Variants in ELP4 observed in about 807,000 individuals in gnomAD.
ELP4 encodes elongator acetyltransferase complex subunit 4.
ELP4 carries 51 observed loss-of-function variants against 48.9 expected under a neutral mutation model. The ratio of observed to expected loss-of-function variants is 1.04; its 90% CI spans 0.83 to 1.32. The LOEUF (loss-of-function observed/expected upper bound fraction) is 1.32, where lower values mean the gene tolerates loss of function less well. ELP4 is among the 40% of genes most tolerant of loss of function. The pLI, the probability that ELP4 is intolerant of heterozygous loss-of-function variation, is 0.00. For synonymous variants in ELP4, 210 were observed against 189.2 expected (o/e 1.11, Z -0.90); for missense variants, 519 against 514.6 (o/e 1.01, Z -0.08).
At chr11:31,639,362 T>A (rs1207256351) in intron 7 of ELP4, among the ~76,000 whole-genome samples, 13 of 151,940 alleles carry the variant, frequency 8.6e-5, no homozygotes. Context: ...GTCAGTATAG[T>A]AAGTTGTAAA....
At chr11:31,701,791 A>G (rs1326971233) in intron 9 of ELP4, among the ~76,000 whole-genome samples, 1 of 151,242 alleles carries the variant, frequency 6.6e-6, no homozygotes, top group Non-Finnish European at 1.5e-5. Flanking sequence ...TTTACCTAAT[A>G]TAATAAGAGG....
At chr11:31,639,408 G>A (rs1423214443) in intron 7 of ELP4, among the ~76,000 whole-genome samples, 5 of 151,842 alleles carry the variant, frequency 3.3e-5, no homozygotes, top group Admixed American at 6.6e-5. Context: ...CAAATAGTCT[G>A]TGTTTCAGTC....
intron 7 of ELP4, among the ~76,000 whole-genome samples, chr11:31,635,668 G>A (rs901917453): frequency 2.6e-5 from 4 of 151,994 alleles, no homozygotes; most frequent in African/African-American, 9.7e-5. Flanking sequence ...AAAGTATCCA[G>A]TGAAGAGGAT....
intron 3 of ELP4, among the ~76,000 whole-genome samples, chr11:31,547,284 T>TA: frequency 6.6e-6 from 1 of 151,624 alleles, no homozygotes; most frequent in South Asian, 2.1e-4. Context: ...ATAGACGCAA[T>TA]AAAAAATGAT....
rs747558919 is a variant in ELP4 at position 31,529,733 on chromosome 11, CACAGCTAGAAGAATAATG to C, written c.259+9647_259+9664del. Among the ~76,000 whole-genome samples the C allele has an allele frequency of 1.0e-3, 158 of 152,250 alleles. 1 individual carries two copies. Among genetic ancestry groups the C allele is most frequent in the Non-Finnish European group, 1.8e-3 (124 of 68,022 alleles). On this transcript the variant is annotated intron_variant, in intron 2 of 9. Transcript: ENST00000640961. ...TGCTAGAATAGATTGTGTAAACAAA[CACAGCTAGAAGAATAATG>C]ACAGTAATAGTATTTCCAAAGAGAG...
intron 7 of ELP4, among the ~76,000 whole-genome samples, chr11:31,634,734 T>C (rs1944936890): frequency 6.6e-6 from 1 of 152,036 alleles, no homozygotes; most frequent in African/African-American, 2.4e-5. Flanking sequence ...AGCCCCTGTA[T>C]AACTGGAAGA....
chr11:31,745,911 A>G (rs1947578230), intron 9 of ELP4, among the ~76,000 whole-genome samples: 1 of 152,164 alleles, frequency 6.6e-6, no homozygotes, highest in South Asian at 2.1e-4. Context: ...TAAACTAAAG[A>G]ACTTCTGCAC....
At chr11:31,597,012 A>G (rs1328005807) in intron 4 of ELP4, among the ~76,000 whole-genome samples, 1 of 152,158 alleles carries the variant, frequency 6.6e-6, no homozygotes, top group Non-Finnish European at 1.5e-5. Flanking sequence ...ATTAGCTAGG[A>G]TGGGGGAAGC....
intron 3 of ELP4, among the ~76,000 whole-genome samples, chr11:31,577,205 G>A (rs1424343864): frequency 6.6e-6 from 1 of 152,082 alleles, no homozygotes; most frequent in Non-Finnish European, 1.5e-5. Flanking sequence ...TAAATTCCTG[G>A]ACACATACAC....
chr11:31,680,144 T>C (rs1946026371), intron 9 of ELP4, among the ~76,000 whole-genome samples: 1 of 152,198 alleles, frequency 6.6e-6, no homozygotes, highest in East Asian at 1.9e-4. Flanking sequence ...GATCTAAGAT[T>C]TGTTGATTTT....
intron 9 of ELP4, among the ~76,000 whole-genome samples, chr11:31,738,392 A>T (rs1373818078): frequency 6.6e-6 from 1 of 151,904 alleles, no homozygotes; most frequent in Admixed American, 6.6e-5. Context: ...AGCCTGGGGA[A>T]CAGAGTGAGA....
At chr11:31,778,347 C>T (rs1351777772) in intron 9 of ELP4, among the ~76,000 whole-genome samples, 3 of 152,036 alleles carry the variant, frequency 2.0e-5, no homozygotes, top group South Asian at 2.1e-4. Context: ...TGTAAGGAGC[C>T]GCAGTAGAGA....
chr11:31,603,942 T>A lies in ELP4; in HGVS notation c.653+35T>A, dbSNP rs767585604. Reference sequence around the variant, plus strand: ...TGACCCATTTAATAACAAAATCTGATTTCAAATATTAGTAGAATGCACTTT... The same window carrying A: ...TGACCCATTTAATAACAAAATCTGAATTCAAATATTAGTAGAATGCACTTT... On this transcript the variant is annotated intron_variant, in intron 5 of 9. Coordinates refer to ENST00000640961, the MANE Select transcript of ELP4 (RefSeq NM_019040.5). The A allele has an allele frequency of 5.1e-6, 8 of 1,580,506 alleles. No individual in the cohort carries two copies. In the South Asian group the frequency reaches 9.2e-5, roughly 18 times the overall value.
intron 9 of ELP4, among the ~76,000 whole-genome samples, chr11:31,732,593 A>T (rs963899397): frequency 7.9e-5 from 12 of 152,314 alleles, no homozygotes; most frequent in Middle Eastern, 6.8e-3. Flanking sequence ...AATGGATTAA[A>T]CTGCCTAAGC....
At chr11:31,714,824 C>T (rs1365944543) in intron 9 of ELP4, 1 of 398,028 alleles carries the variant, frequency 2.5e-6, no homozygotes, top group African/African-American at 2.1e-5. Context: ...TTTTCTGCCT[C>T]TCTCCTTCAC....
chr11:31,661,360 A>G (rs191846447), intron 9 of ELP4, among the ~76,000 whole-genome samples: 89 of 152,182 alleles, frequency 5.8e-4, no homozygotes, highest in African/African-American at 2.1e-3. Flanking sequence ...CAAGAAGAGC[A>G]CTATTTCAAG....
Position 31,786,543 on chromosome 11 carries a change from T to C in ELP4, c.*3019T>C, listed in dbSNP as rs1948642433. 4.4e-6 allele frequency: 1 copy of C among 225,194 alleles called. No individual in the cohort carries two copies. The allele number at this position is 225,194 out of a possible 1,614,324, so 13.9% of individuals were successfully genotyped here. ...CAAACATACAGAGAAGAAAAGGCTT[T>C]TTAAAATCTTACTAGTATGAGAGGC... is the stretch of plus-strand genomic sequence containing the variant. On this transcript the variant is annotated 3_prime_UTR_variant, in exon 10 of 10. Coordinates refer to ENST00000640961, the MANE Select transcript of ELP4 (RefSeq NM_019040.5).
chr11:31,730,783 A>G (rs1219777444), intron 9 of ELP4, among the ~76,000 whole-genome samples: 3 of 152,218 alleles, frequency 2.0e-5, no homozygotes, highest in Non-Finnish European at 4.4e-5. Context: ...TCAACATTCT[A>G]GCATTTTAGG....
At chr11:31,711,652 G>A (rs1273062442) in intron 9 of ELP4, among the ~76,000 whole-genome samples, 1 of 151,950 alleles carries the variant, frequency 6.6e-6, no homozygotes, top group Non-Finnish European at 1.5e-5. Flanking sequence ...TGATGATAAA[G>A]ATAAATATGT....
Sources: allele counts gnomAD v4.1 joint callset (sites outside exome capture counted in the v4.1 genomes callset), GRCh38; gene constraint gnomAD v4.1.1; transcripts MANE v1.5; gene names NCBI Gene and HGNC (gene_info 2026-07-23, HGNC 2026-07-21).